The following ROCK1 variants were observed in gnomAD, a reference collection of about 807,000 sequenced individuals.
ROCK1 encodes Rho associated coiled-coil containing protein kinase 1.
ROCK1 carries 36 observed loss-of-function variants against 196.8 expected under a neutral mutation model. The ratio of observed to expected loss-of-function variants is 0.18; its 90% confidence interval spans 0.14 to 0.24. ROCK1 has a LOEUF of 0.24. Among genes scored for constraint, ROCK1 ranks in the 10% least tolerant of loss-of-function variants. ROCK1 has a pLI of 1.00. For missense variants in ROCK1, 920 were observed against 1,562.0 expected (o/e 0.59, Z 6.93); for synonymous variants, 443 against 515.9 (o/e 0.86, Z 1.91).
intron 9 of ROCK1, among the ~76,000 whole-genome samples, chr18:21,032,892 T>A (rs1051299612): frequency 6.6e-6 from 1 of 152,038 alleles, no homozygotes; most frequent in Non-Finnish European, 1.5e-5. Flanking sequence ...CAAAATCTAT[T>A]TTAAAAGAAA....
chr18:21,099,211 T>C (rs1283639538), intron 1 of ROCK1, among the ~76,000 whole-genome samples: 3 of 151,854 alleles, frequency 2.0e-5, no homozygotes, highest in African/African-American at 7.3e-5. Flanking sequence ...AGGAGGAAAA[T>C]CATACACCAA....
Position 21,049,899 on chromosome 18 carries a change from T to G in ROCK1, c.176-19A>C, listed in dbSNP as rs752148961. 4.9e-6 allele frequency: 7 copies of G among 1,427,008 alleles called. No homozygotes were observed. In the African/African-American group the frequency reaches 1.0e-4, roughly 21 times the overall value. The allele number at this position is 1,427,008 out of a possible 1,614,324, so 88.4% of individuals were successfully genotyped here. A position where few individuals can be genotyped will look rare whatever the true frequency, so the allele number is the denominator to read the frequency against. Reference sequence around the variant, plus strand: ...TCTTTATCTGTATGAAAAGAAAAGTTTATCATTTTAAATCACTAAAGCATT... The same window carrying G: ...TCTTTATCTGTATGAAAAGAAAAGTGTATCATTTTAAATCACTAAAGCATT... On this transcript the variant is annotated intron_variant, in intron 2 of 32. Transcript: ENST00000399799.
chr18:21,031,783 T>A (rs535919642), intron 9 of ROCK1, among the ~76,000 whole-genome samples: 1 of 151,308 alleles, frequency 6.6e-6, no homozygotes, highest in East Asian at 1.9e-4. Context: ...ATGAAAGAGA[T>A]CGAAAATAGA....
chr18:20,991,904 T>G (rs190024969), intron 17 of ROCK1, among the ~76,000 whole-genome samples: 1 of 152,100 alleles, frequency 6.6e-6, no homozygotes, highest in Non-Finnish European at 1.5e-5. Flanking sequence ...TCCCAAAGTG[T>G]TGGGTCTACA....
chr18:21,034,412 A>G (rs2036039273), intron 9 of ROCK1, among the ~76,000 whole-genome samples: 1 of 152,244 alleles, frequency 6.6e-6, no homozygotes, highest in African/African-American at 2.4e-5. Context: ...CAGAGCTACC[A>G]TAATCATACA....
intron 9 of ROCK1, among the ~76,000 whole-genome samples, chr18:21,034,279 G>A (rs1238412712): frequency 2.0e-5 from 3 of 151,858 alleles, no homozygotes; most frequent in African/African-American, 7.3e-5. Flanking sequence ...TGTCCTTTTT[G>A]GCAAAGACGT....
chr18:20,987,425 CA>C (rs1334905321), intron 18 of ROCK1, among the ~76,000 whole-genome samples: 1 of 152,112 alleles, frequency 6.6e-6, no homozygotes, highest in Non-Finnish European at 1.5e-5. Context: ...AGTGAATTAA[CA>C]AAGAACAATG....
rs11876032 is a variant in ROCK1, at chr18:21,056,978, C to T, written c.176-7098G>A. Among the ~76,000 whole-genome samples the T allele has an allele frequency of 2.2e-3, 335 of 152,326 alleles. 1 individual carries two copies. The highest frequency in any genetic ancestry group is 3.2e-3 in the Non-Finnish European group (217 of 68,034). Reference sequence around the variant, plus strand: ...AAATGTCACCTTTTAACAAGGCCTACCCTGGCCACCTTACCTAAAACAGCA... The same window carrying T: ...AAATGTCACCTTTTAACAAGGCCTATCCTGGCCACCTTACCTAAAACAGCA... On this transcript the variant is annotated intron_variant, in intron 2 of 32. Transcript: ENST00000399799.
In ROCK1 at chr18:21,049,885, A is replaced by G. The variant is rs750274788; in HGVS notation, c.176-5T>C. 1 of 1,509,374 alleles carries G rather than the reference A, an allele frequency of 6.6e-7. No individual in the cohort carries two copies. Among genetic ancestry groups the G allele is most frequent in the South Asian group, 1.2e-5 (1 of 83,276 alleles). 93.5% of individuals were successfully genotyped at this position (1,509,374 alleles called of 1,614,324 possible). A position where few individuals can be genotyped will look rare whatever the true frequency, so the allele number is the denominator to read the frequency against. ...TTTTATTTATTGTGTCTTTATCTGTATGAAAAGAAAAGTTTATCATTTTAA... is the reference window on the plus strand; with the variant it reads ...TTTTATTTATTGTGTCTTTATCTGTGTGAAAAGAAAAGTTTATCATTTTAA... On this transcript the variant is annotated splice_polypyrimidine_tract_variant and splice_region_variant and intron_variant, in intron 2 of 32. Transcript: ENST00000399799.
chr18:20,992,344 G>T (rs1016402202), intron 17 of ROCK1, among the ~76,000 whole-genome samples: 1 of 152,102 alleles, frequency 6.6e-6, no homozygotes, highest in Non-Finnish European at 1.5e-5. Flanking sequence ...TCTTAGCTAG[G>T]TATATAACAG....
At chr18:20,989,393 T>A (rs1172815468) in intron 18 of ROCK1, among the ~76,000 whole-genome samples, 1 of 152,216 alleles carries the variant, frequency 6.6e-6, no homozygotes, top group Non-Finnish European at 1.5e-5. Flanking sequence ...TGGATGAGAT[T>A]ATGAGCTTTC....
chr18:20,990,646 T>C (rs141530534), intron 18 of ROCK1, among the ~76,000 whole-genome samples: 189 of 110,774 alleles, frequency 1.7e-3, no homozygotes, highest in African/African-American at 6.5e-3. Context: ...TGAGCCAAGA[T>C]CACACCATTG....
At chr18:21,006,845 T>C (rs536471838) in intron 14 of ROCK1, 55 bp from the exon 15 acceptor site, 6 of 1,211,742 alleles carry the variant, frequency 5.0e-6, no homozygotes, top group African/African-American at 4.6e-5. Flanking sequence ...AGGGGAAACA[T>C]ATAAATCCTT....
At chr18:21,079,258 C>T (rs1568403828) in intron 1 of ROCK1, among the ~76,000 whole-genome samples, 1 of 152,138 alleles carries the variant, frequency 6.6e-6, no homozygotes, top group Non-Finnish European at 1.5e-5. Flanking sequence ...CCTCACCTTC[C>T]TTTTCTCCTC....
At chr18:20,951,809 C>CT (rs2035190419) in intron 32 of ROCK1, among the ~76,000 whole-genome samples, 1 of 152,158 alleles carries the variant, frequency 6.6e-6, no homozygotes, top group Non-Finnish European at 1.5e-5. Context: ...TTTAAGCCTG[C>CT]TTGGAAGATG....
At chr18:21,098,429 G>A (rs1029279051) in intron 1 of ROCK1, among the ~76,000 whole-genome samples, 4 of 151,922 alleles carry the variant, frequency 2.6e-5, no homozygotes, top group East Asian at 1.9e-4. Flanking sequence ...GATAAATTCC[G>A]AGTAGATTTC....
At position 21,006,384 on chromosome 18, in the gene ROCK1, C is replaced by T. The variant is rs749695186; in HGVS notation, c.1852G>A (p.Gly618Ser). The T allele has an allele frequency of 1.9e-5, 30 of 1,612,922 alleles. No individual in the cohort carries two copies. The highest frequency in any genetic ancestry group is 2.5e-5 in the Non-Finnish European group (29 of 1,179,920). Residue 618 changes from glycine to serine, a missense_variant, in exon 16 of 33, where the codon GGT becomes AGT. Transcript: ENST00000399799. ...TCTCCAATCATCTCAGAATCATGAC[C>T]TCTGTCTCTTCGTTCAGCTTCTAAT... ...AILEAERRDRGHDSEMIGDLQ... is the reference protein window; with the variant it reads ...AILEAERRDRSHDSEMIGDLQ...
chr18:21,081,966 T>C (rs1466102921), intron 1 of ROCK1, among the ~76,000 whole-genome samples: 1 of 152,208 alleles, frequency 6.6e-6, no homozygotes, highest in East Asian at 1.9e-4. Context: ...TTTTTCCTTT[T>C]TTTGAGGCAG....
At chr18:20,957,608 G>A (rs1429264793) in intron 29 of ROCK1, among the ~76,000 whole-genome samples, 3 of 152,116 alleles carry the variant, frequency 2.0e-5, no homozygotes, top group East Asian at 3.9e-4. Flanking sequence ...AGCCTCCCGA[G>A]TAGCTGGGAT....
Sources: allele counts gnomAD v4.1 joint callset (sites outside exome capture counted in the v4.1 genomes callset), GRCh38; gene constraint gnomAD v4.1.1; transcripts MANE v1.5; gene names NCBI Gene and HGNC (gene_info 2026-07-23, HGNC 2026-07-21).